Variants in MAGI2 observed in about 807,000 individuals in gnomAD.
The protein encoded by MAGI2 is membrane-associated guanylate kinase, WW and PDZ domain-containing protein 2.
Under a neutral mutation model 133.3 loss-of-function variants are expected in MAGI2, and 35 were observed. That is an observed-to-expected ratio of 0.26 (90% CI 0.20 to 0.35). MAGI2 has a LOEUF of 0.35. MAGI2 is among the 10% of genes least tolerant of loss of function. The probability of loss-of-function intolerance (pLI) is 1.00; values close to 1 mark genes in which losing one functional copy is unlikely to be tolerated. For missense variants in MAGI2, 1,636 were observed against 1,863.4 expected, an observed-to-expected ratio of 0.88 and a Z score of 2.25; for synonymous variants, 729 against 710.6, an observed-to-expected ratio of 1.03 and a Z score of -0.41.
At chr7:78,731,263 G>T (rs1821344654) in intron 2 of MAGI2, among the ~76,000 whole-genome samples, 1 of 152,042 alleles carries the variant, frequency 6.6e-6, no homozygotes, top group Non-Finnish European at 1.5e-5. Flanking sequence ...AACAGTAAAA[G>T]AATTAGAACT....
chr7:78,267,799 C>A (rs1437692857), intron 9 of MAGI2, among the ~76,000 whole-genome samples: 1 of 152,122 alleles, frequency 6.6e-6, no homozygotes, highest in Non-Finnish European at 1.5e-5. Flanking sequence ...AATAACCTAG[C>A]CTAGGGGTTT....
At chr7:79,442,218 C>G (rs1848538888) in intron 1 of MAGI2, among the ~76,000 whole-genome samples, 1 of 152,088 alleles carries the variant, frequency 6.6e-6, no homozygotes, top group South Asian at 2.1e-4. Context: ...CATTTAGGTG[C>G]TTTATTTCAT....
At chr7:78,051,193 G>A (rs1289360270) in intron 21 of MAGI2, among the ~76,000 whole-genome samples, 2 of 152,216 alleles carry the variant, frequency 1.3e-5, no homozygotes, top group Non-Finnish European at 2.9e-5. Flanking sequence ...TGTCAAAGAT[G>A]TCATGGGCTT....
intron 9 of MAGI2, among the ~76,000 whole-genome samples, chr7:78,287,190 C>T (rs373009409): frequency 4.8e-4 from 73 of 152,168 alleles, no homozygotes; most frequent in African/African-American, 1.5e-3. Flanking sequence ...TAACAGACAA[C>T]GAGGTCCTGA....
At chr7:79,165,404 A>T (rs901456145) in intron 1 of MAGI2, among the ~76,000 whole-genome samples, 30 of 151,846 alleles carry the variant, frequency 2.0e-4, no homozygotes, top group Admixed American at 1.8e-3. Flanking sequence ...TTTTAAAAAA[A>T]CCCTCTAGTG....
At chr7:79,218,132 T>G (rs1830167394) in intron 1 of MAGI2, among the ~76,000 whole-genome samples, 1 of 152,010 alleles carries the variant, frequency 6.6e-6, no homozygotes, top group Non-Finnish European at 1.5e-5. Context: ...TACTACAGAA[T>G]TTTCTGAAGT....
At chr7:79,169,025 C>T (rs1825262165) in intron 1 of MAGI2, among the ~76,000 whole-genome samples, 1 of 151,498 alleles carries the variant, frequency 6.6e-6, no homozygotes, top group Admixed American at 6.6e-5. Flanking sequence ...TTGTTGAGCC[C>T]TTGCCTGAAT....
intron 2 of MAGI2, among the ~76,000 whole-genome samples, chr7:78,850,286 T>C: frequency 6.6e-6 from 1 of 152,084 alleles, no homozygotes; most frequent in Non-Finnish European, 1.5e-5. Context: ...AATGAAAGCT[T>C]CAGTCTAAAG....
chr7:78,793,357 C>T (rs776643753), intron 2 of MAGI2, among the ~76,000 whole-genome samples: 11 of 152,122 alleles, frequency 7.2e-5, no homozygotes, highest in Non-Finnish European at 1.3e-4. Context: ...TTACAACTTC[C>T]GCAGGGGTTG....
intron 1 of MAGI2, among the ~76,000 whole-genome samples, chr7:79,022,650 A>AAAT (rs1295461681): frequency 7.9e-5 from 12 of 151,478 alleles, no homozygotes; most frequent in Admixed American, 6.6e-4. Context: ...AAGATCCAAA[A>AAAT]AAAAAAAAAA....
chr7:78,717,093 A>G (rs323142), intron 2 of MAGI2, among the ~76,000 whole-genome samples: 7,713 of 152,148 alleles, frequency 0.051, 338 homozygotes, highest in East Asian at 0.18. Context: ...CAGCAACCTC[A>G]GACCTCTCCC....
At chr7:78,728,899 T>C (rs1398241796) in intron 2 of MAGI2, among the ~76,000 whole-genome samples, 4 of 152,076 alleles carry the variant, frequency 2.6e-5, no homozygotes, top group Non-Finnish European at 1.5e-5. Context: ...TCTGAAAAAA[T>C]GATTCATCTT....
In MAGI2 at chr7:78,271,313, C is replaced by T. The variant is rs573644316; in HGVS notation, c.1409-14732G>A. On this transcript the variant is annotated intron_variant, in intron 9 of 21. Transcript: ENST00000354212. ...ATCCCAGGGATGAAGCCGACTTGAT[C>T]GTGGAGGATAAGCTTTTTGACGTGC... is the stretch of plus-strand genomic sequence containing the variant. 9.2e-5 allele frequency among the ~76,000 whole-genome samples: 14 copies of T among 152,214 alleles called. No homozygotes were observed. The South Asian group carries it at 1.2e-3, about 14-fold the overall frequency.
intron 1 of MAGI2, among the ~76,000 whole-genome samples, chr7:79,126,971 C>T (rs1158353633): frequency 2.1e-5 from 3 of 144,430 alleles, no homozygotes; most frequent in South Asian, 2.3e-4. Context: ...CCACAACAGT[C>T]CCCAGAGTGT....
In MAGI2 at chr7:79,247,636, C is replaced by A. The variant is rs150511637; in HGVS notation, c.301+205384G>T. On this transcript the variant is annotated intron_variant, in intron 1 of 21. Transcript: ENST00000354212. ...TGAAATACTACTACTACTACTACTACTAATAACTATAACAACTTTTAAAGA... is the reference window on the plus strand; with the variant it reads ...TGAAATACTACTACTACTACTACTAATAATAACTATAACAACTTTTAAAGA... Among the ~76,000 whole-genome samples, 371 of 151,986 alleles carry A rather than the reference C, an allele frequency of 2.4e-3. 2 individuals are homozygous for A. Among genetic ancestry groups the A allele is most frequent in the East Asian group, 0.011 (59 of 5,156 alleles).
intron 7 of MAGI2, among the ~76,000 whole-genome samples, 167 bp from the exon 8 acceptor site, chr7:78,346,210 A>G (rs534841561): frequency 1.3e-5 from 2 of 152,314 alleles, no homozygotes; most frequent in South Asian, 4.1e-4. Flanking sequence ...CCTGTGTACA[A>G]CACACATTTC....
intron 2 of MAGI2, among the ~76,000 whole-genome samples, chr7:78,919,844 A>G (rs1369590766): frequency 2.0e-5 from 3 of 152,102 alleles, no homozygotes; most frequent in African/African-American, 7.2e-5. Context: ...TTTCTCCTTG[A>G]AATTTTATTC....
intron 2 of MAGI2, among the ~76,000 whole-genome samples, chr7:78,774,784 G>C (rs1298724381): frequency 1.3e-5 from 2 of 152,186 alleles, no homozygotes; most frequent in Non-Finnish European, 2.9e-5. Flanking sequence ...GAGTAGGCTA[G>C]TGGTAGAAGA....
chr7:78,752,341 G>A (rs1229164750), intron 2 of MAGI2, among the ~76,000 whole-genome samples: 2 of 152,150 alleles, frequency 1.3e-5, no homozygotes, highest in Non-Finnish European at 2.9e-5. Flanking sequence ...GGTGGCTCAT[G>A]CCTGTAATCC....
Sources: gnomAD v4.1 joint callset for allele counts (sites outside exome capture counted in the v4.1 genomes callset) on GRCh38, gnomAD v4.1.1 for gene constraint, MANE v1.5 for transcripts, NCBI Gene and HGNC (gene_info 2026-07-23, HGNC 2026-07-21) for gene names.